Variants in ITGB4 observed in about 807,000 individuals in gnomAD.
ITGB4 encodes integrin subunit beta 4.
In ITGB4, 159 loss-of-function variants were observed where a neutral mutation model predicts 207.6. The observed-to-expected ratio is 0.77, with a 90% CI of 0.67 to 0.87. The LOEUF (loss-of-function observed/expected upper bound fraction) is 0.87. ITGB4 is among the 40% of genes least tolerant of loss of function. The probability of loss-of-function intolerance (pLI) is 0.00; values close to 1 mark genes in which losing one functional copy is unlikely to be tolerated. For missense variants in ITGB4, 2,278 were observed against 2,546.8 expected (o/e 0.89, Z 2.27); for synonymous variants, 1,020 against 1,062.7 (o/e 0.96, Z 0.78).
rs2061053928 is a variant in ITGB4, at chr17:75,739,330, C to T, written c.2221-342C>T. 6.6e-6 allele frequency among the ~76,000 whole-genome samples: 1 copy of T among 151,744 alleles called. No individual in the cohort carries two copies. Among genetic ancestry groups the T allele is most frequent in the African/African-American group, 2.4e-5 (1 of 41,318 alleles). On this transcript the variant is annotated intron_variant, in intron 18 of 39. Transcript: ENST00000200181. This position sits in a 1 kb window ranked among gnomAD's most constrained non-coding sequence, Gnocchi z 5.4. ...AAAAGAAAAGAAACAAGTTTCTTCT[C>T]TGCAGGACTTCTCAGAGGCTTTGAT...
chr17:75,728,402 C>T lies in ITGB4; in HGVS notation c.495C>T (p.Ser165=), dbSNP rs75092172. ...NLARVLSQLT[S]DYTIGFGKFV... ...CTCGGGTCCTGAGCCAGCTCACCAG[C>T]GACTACACTATTGGATTTGGCAAGT... The change falls in exon 6 of 40, where the codon AGC becomes AGT. Residue 165 remains serine (S), a synonymous_variant. Coordinates refer to ENST00000200181, the MANE Select transcript of ITGB4 (RefSeq NM_000213.5). 496 of 1,614,056 alleles carry T rather than the reference C, an allele frequency of 3.1e-4. 3 individuals carry two copies. The East Asian group carries it at 9.4e-3, about 31-fold the overall frequency.
Position 75,754,190 on chromosome 17 carries a change from G to A in ITGB4, c.4318+216G>A, listed in dbSNP as rs150110757. On this transcript the variant is annotated intron_variant, in intron 33 of 39. Coordinates refer to ENST00000200181, the MANE Select transcript of ITGB4 (RefSeq NM_000213.5). ...CTTATGGTGCCTGCCTGGCCAGGGG[G>A]TGCAAATTCAGAAGTCTGCCCGGGA... Among the ~76,000 whole-genome samples, 707 of 152,296 alleles carry A rather than the reference G, an allele frequency of 4.6e-3. 9 individuals are homozygous for A. The highest frequency in any genetic ancestry group is 0.016 in the African/African-American group (675 of 41,576).
chr17:75,754,668 AC>A lies in ITGB4; in HGVS notation c.4414del (p.His1472ThrfsTer2). Reference protein sequence around the residue: ...MTTTSAAAYGTHLSPHVPHRV... With the variant: ...MTTTSAAAYGXHLSPHVPHRV... Reference sequence around the variant, plus strand: ...CACGACCAGTGCTGCTGCCTATGGCACCCACCTGAGCCCACACGTGCCCCAC... The same window carrying A: ...CACGACCAGTGCTGCTGCCTATGGCACCACCTGAGCCCACACGTGCCCCAC... On this transcript the variant is annotated frameshift_variant, in exon 34 of 40. Coordinates refer to ENST00000200181, the MANE Select transcript of ITGB4 (RefSeq NM_000213.5). LOFTEE classifies it high-confidence loss of function. 1.2e-6 allele frequency: 2 copies of A among 1,613,904 alleles called. No homozygotes were observed. The highest frequency in any genetic ancestry group is 1.7e-6 in the Non-Finnish European group (2 of 1,179,934).
chr17:75,753,500 T>C lies in ITGB4; in HGVS notation c.4109-265T>C, dbSNP rs820392. Among the ~76,000 whole-genome samples, 116,109 of 152,072 alleles carry C rather than the reference T, an allele frequency of 0.76. 45,080 individuals are homozygous for C. The highest frequency in any genetic ancestry group is 0.85 in the Non-Finnish European group (57,486 of 67,960). ...GACAGAGCCCAGACTTCCCCCAGGT[T>C]TCTGGCGGGTCCGGGGGTCTCTCCT... is the stretch of plus-strand genomic sequence containing the variant. On this transcript the variant is annotated intron_variant, in intron 32 of 39. Transcript: ENST00000200181.
At chr17:75,728,565 A>G (rs2060776668) in intron 6 of ITGB4, 92 bp downstream of exon 6, 5 of 1,012,206 alleles carry the variant, frequency 4.9e-6, no homozygotes, top group Non-Finnish European at 7.6e-6. Flanking sequence ...TTATCCTTCT[A>G]CGGCTGGGCA....
chr17:75,756,254 A>T (rs2061498584), intron 35 of ITGB4, among the ~76,000 whole-genome samples, 175 bp from the exon 36 acceptor site: 1 of 152,166 alleles, frequency 6.6e-6, no homozygotes, highest in Non-Finnish European at 1.5e-5. Context: ...CCACTCTTGT[A>T]TAGTACACAA....
chr17:75,729,295 C>A lies in ITGB4; in HGVS notation c.597C>A (p.Pro199=). ...KLKEPWPNSD[P]PFSFKNVISL... Reference sequence around the variant, plus strand: ...AGGAGCCCTGGCCCAACAGTGACCCCCCCTTCTCCTTCAAGAACGTCATCA... The same window carrying A: ...AGGAGCCCTGGCCCAACAGTGACCCACCCTTCTCCTTCAAGAACGTCATCA... Residue 199 remains proline (P), a synonymous_variant, in exon 7 of 40, where the codon CCC becomes CCA. Coordinates refer to ENST00000200181, the MANE Select transcript of ITGB4 (RefSeq NM_000213.5). The surrounding 1 kb of genome is among the most constrained non-coding windows in gnomAD (Gnocchi z 4.4). 1 of 1,614,164 alleles carries A rather than the reference C, an allele frequency of 6.2e-7. No homozygotes were observed. Among genetic ancestry groups the A allele is most frequent in the East Asian group, 2.2e-5 (1 of 44,886 alleles).
intron 18 of ITGB4, among the ~76,000 whole-genome samples, chr17:75,738,741 G>A (rs1438063754): frequency 6.6e-6 from 1 of 152,232 alleles, no homozygotes; most frequent in Non-Finnish European, 1.5e-5. Flanking sequence ...GGGATTGTAG[G>A]CGGCAGACCA....
intron 6 of ITGB4, 22 bp downstream of exon 6, chr17:75,728,495 G>T (rs1408945851): frequency 2.0e-5 from 31 of 1,586,330 alleles, no homozygotes; most frequent in Middle Eastern, 1.7e-4. Flanking sequence ...TGTGGGTCCC[G>T]CAGGTGGGCA....
intron 30 of ITGB4, among the ~76,000 whole-genome samples, chr17:75,751,381 G>T (rs1018085595): frequency 6.6e-6 from 1 of 152,234 alleles, no homozygotes; most frequent in Non-Finnish European, 1.5e-5. Context: ...CCCTCCCCAT[G>T]CAGGTAACCA....
chr17:75,723,103 G>C (rs879216058), intron 1 of ITGB4, among the ~76,000 whole-genome samples: 4 of 152,192 alleles, frequency 2.6e-5, no homozygotes, highest in Non-Finnish European at 4.4e-5. Flanking sequence ...TAGCTTCTGC[G>C]TGGAGGCTGC....
At position 75,757,011 on chromosome 17, in the gene ITGB4, G is replaced by A. The variant is rs144654848; in HGVS notation, c.5122G>A (p.Glu1708Lys). Reference protein sequence around the residue: ...ESRLTVPGLSENVPYKFKVQA... With the variant: ...ESRLTVPGLSKNVPYKFKVQA... ...CCGGCTGACCGTGCCGGGCCTCAGCGAGAACGTGCCCTACAAGTTCAAGGT... is the reference window on the plus strand; with the variant it reads ...CCGGCTGACCGTGCCGGGCCTCAGCAAGAACGTGCCCTACAAGTTCAAGGT... Residue 1708 changes from glutamate (E) to lysine (K), a missense_variant, in exon 38 of 40, where the codon GAG becomes AAG. Transcript: ENST00000200181. 56 of 1,612,208 alleles carry A rather than the reference G, an allele frequency of 3.5e-5. No homozygotes were observed. The highest frequency in any genetic ancestry group is 3.3e-4 in the East Asian group (15 of 44,836).
chr17:75,730,486 C>T lies in ITGB4; in HGVS notation c.984C>T (p.Tyr328=), dbSNP rs1304919405. The T allele has an allele frequency of 2.5e-6, 4 of 1,613,896 alleles. No homozygotes were observed. Among genetic ancestry groups the T allele is most frequent in the Non-Finnish European group, 3.4e-6 (4 of 1,180,014 alleles). ...NIIPIFAVTN[Y]SYSYYEKLHT... ...TCCCCATCTTTGCTGTCACCAACTACTCCTATAGCTACTACGAGGTGCGGG... is the reference window on the plus strand; with the variant it reads ...TCCCCATCTTTGCTGTCACCAACTATTCCTATAGCTACTACGAGGTGCGGG... The change falls in exon 8 of 40, where the codon TAC becomes TAT. Residue 328 remains tyrosine, a synonymous_variant. Coordinates refer to ENST00000200181, the MANE Select transcript of ITGB4 (RefSeq NM_000213.5).
At chr17:75,745,959 G>T (rs2061224071) in intron 26 of ITGB4, among the ~76,000 whole-genome samples, 1 of 152,206 alleles carries the variant, frequency 6.6e-6, no homozygotes, top group South Asian at 2.1e-4. Context: ...CAAACATAGG[G>T]GAGCGCGTAG....
chr17:75,735,950 C>T lies in ITGB4; in HGVS notation c.1658-101C>T, dbSNP rs563362807. The T allele has an allele frequency of 1.9e-5, 21 of 1,081,992 alleles. No homozygotes were observed. The African/African-American group carries it at 2.9e-4, about 15-fold the overall frequency. The allele number at this position is 1,081,992 out of a possible 1,614,324, so 67.0% of individuals were successfully genotyped here. ...CTACCCCAGGCTAGCGGCACCCTGG[C>T]TCCCACAGCTCTGTTCCCACAGGCC... is the stretch of plus-strand genomic sequence containing the variant. On this transcript the variant is annotated intron_variant, in intron 13 of 39. Coordinates refer to ENST00000200181, the MANE Select transcript of ITGB4 (RefSeq NM_000213.5).
chr17:75,732,249 G>C lies in ITGB4; in HGVS notation c.1454+10G>C. ...TGTGCAGCGAGGGCTGGTGAGTGGG[G>C]AAGGGAGTTGGGCACCCAGGACACC... On this transcript the variant is annotated intron_variant, in intron 12 of 39. Transcript: ENST00000200181. The surrounding 1 kb of genome is among the most constrained non-coding windows in gnomAD (Gnocchi z 5.3). 1 of 1,613,704 alleles carries C rather than the reference G, an allele frequency of 6.2e-7. No individual in the cohort carries two copies. Among genetic ancestry groups the C allele is most frequent in the Non-Finnish European group, 8.5e-7 (1 of 1,179,880 alleles).
chr17:75,727,893 G>T lies in ITGB4; in HGVS notation c.469+38G>T. On this transcript the variant is annotated intron_variant, in intron 5 of 39. Coordinates refer to ENST00000200181, the MANE Select transcript of ITGB4 (RefSeq NM_000213.5). This position sits in a 1 kb window ranked among gnomAD's most constrained non-coding sequence, Gnocchi z 6.0. Reference sequence around the variant, plus strand: ...CAGAGTGGAGGACAGCAGGGCAGGAGGGGGACAGGTGGGCGTCTGCTTGGG... The same window carrying T: ...CAGAGTGGAGGACAGCAGGGCAGGATGGGGACAGGTGGGCGTCTGCTTGGG... 6.3e-7 allele frequency: 1 copy of T among 1,598,432 alleles called. No individual in the cohort carries two copies.
At chr17:75,721,945 C>G (rs2060625022) in intron 1 of ITGB4, among the ~76,000 whole-genome samples, 1 of 152,200 alleles carries the variant, frequency 6.6e-6, no homozygotes, top group Non-Finnish European at 1.5e-5. Flanking sequence ...AGACACCAGC[C>G]TGAGTGCTGG....
chr17:75,724,577 C>A, intron 1 of ITGB4, 117 bp from the exon 2 acceptor site: 1 of 854,080 alleles, frequency 1.2e-6, no homozygotes. Context: ...GCTGGGCGCC[C>A]TTGGTCACAT....
Sources: allele counts gnomAD v4.1 joint callset (sites outside exome capture counted in the v4.1 genomes callset), GRCh38; gene constraint gnomAD v4.1.1; non-coding constraint Gnocchi (gnomAD v3.1); transcripts MANE v1.5; gene names NCBI Gene and HGNC (gene_info 2026-07-23, HGNC 2026-07-21).